The following ARHGAP5 variants were observed in gnomAD, a reference collection of about 807,000 sequenced individuals.
ARHGAP5 encodes Rho GTPase activating protein 5, also known as rho GTPase-activating protein 5.
ARHGAP5 carries 23 observed loss-of-function variants against 116.6 expected under a neutral mutation model. That is an observed-to-expected ratio of 0.20 (90% CI 0.14 to 0.28). ARHGAP5 has a LOEUF of 0.28. ARHGAP5 is among the 10% of genes least tolerant of loss of function. The pLI, the probability that ARHGAP5 is intolerant of heterozygous loss-of-function variation, is 1.00. For synonymous variants in ARHGAP5, 574 were observed against 602.0 expected, an observed-to-expected ratio of 0.95 and a Z score of 0.68; for missense variants, 1,405 against 1,774.8, an observed-to-expected ratio of 0.79 and a Z score of 3.74.
intron 3 of ARHGAP5, among the ~76,000 whole-genome samples, chr14:32,132,046 C>T (rs1363099827): frequency 1.3e-5 from 2 of 152,264 alleles, no homozygotes; most frequent in African/African-American, 4.8e-5. Context: ...AATAAACATA[C>T]AGGTGCATGT....
chr14:32,156,741 G>A lies in ARHGAP5; in HGVS notation c.*1793G>A, dbSNP rs962547706. 2 of 152,170 alleles carry A rather than the reference G, an allele frequency of 1.3e-5. No individual in the cohort carries two copies. Among genetic ancestry groups the A allele is most frequent in the African/African-American group, 2.4e-5 (1 of 41,378 alleles). 9.4% of individuals were successfully genotyped at this position (152,170 alleles called of 1,614,324 possible). ...GTCAGTTTAACTATTGGCATGTCTG[G>A]CAAAGAAAATTAAACTTTAAGAGTT... is the stretch of plus-strand genomic sequence containing the variant. On this transcript the variant is annotated 3_prime_UTR_variant, in exon 7 of 7. Transcript: ENST00000345122.
At chr14:32,086,484 T>C (rs1165477189) in intron 1 of ARHGAP5, among the ~76,000 whole-genome samples, 1 of 152,084 alleles carries the variant, frequency 6.6e-6, no homozygotes, top group Non-Finnish European at 1.5e-5. Flanking sequence ...GGGCCAGAGA[T>C]ATTGATGGGT....
chr14:32,152,735 A>G (rs957660053), intron 6 of ARHGAP5, among the ~76,000 whole-genome samples: 12 of 152,206 alleles, frequency 7.9e-5, no homozygotes, highest in Non-Finnish European at 1.3e-4. Context: ...TGTGGTAAGT[A>G]TATTTTCCTT....
chr14:32,127,177 T>G (rs997941668), intron 3 of ARHGAP5, among the ~76,000 whole-genome samples: 3 of 151,644 alleles, frequency 2.0e-5, no homozygotes, highest in Non-Finnish European at 2.9e-5. Context: ...TTTTTTTTTT[T>G]AATTTTTTTA....
chr14:32,146,678 G>A (rs537405452), intron 4 of ARHGAP5, among the ~76,000 whole-genome samples: 1 of 152,240 alleles, frequency 6.6e-6, no homozygotes, highest in East Asian at 1.9e-4. Context: ...GATTGAAAAC[G>A]AGGCAGTTGA....
chr14:32,151,511 C>T (rs1881637399), intron 5 of ARHGAP5, among the ~76,000 whole-genome samples: 1 of 152,246 alleles, frequency 6.6e-6, no homozygotes, highest in South Asian at 2.1e-4. Context: ...TTTAGGCTAT[C>T]GCCAGTTTTT....
intron 3 of ARHGAP5, among the ~76,000 whole-genome samples, chr14:32,138,239 A>G (rs1277938666): frequency 1.3e-5 from 2 of 151,888 alleles, no homozygotes. Context: ...GTAACCTGCA[A>G]CTTTGCTGAA....
In ARHGAP5 at chr14:32,117,176, C is replaced by A; in HGVS notation, c.3754C>A (p.Arg1252Ser). ...AACTAAGAACTTCAATCCACCAACA[C>A]GTAGAAATTGGGAAAGTAATTACTT... Reference protein sequence around the residue: ...KKTKNFNPPTRRNWESNYFGM... With the variant: ...KKTKNFNPPTSRNWESNYFGM... Residue 1252 changes from arginine (R) to serine (S), a missense_variant, in exon 3 of 7, where the codon CGT becomes AGT. By Grantham distance (110) the Arg-to-Ser change is moderately radical (BLOSUM62 -1). Coordinates refer to ENST00000345122, the MANE Select transcript of ARHGAP5 (RefSeq NM_001030055.2). 6.2e-7 allele frequency: 1 copy of A among 1,611,160 alleles called. No individual in the cohort carries two copies. Among genetic ancestry groups the A allele is most frequent in the South Asian group, 1.1e-5 (1 of 90,312 alleles).
intron 4 of ARHGAP5, among the ~76,000 whole-genome samples, chr14:32,148,163 A>AATCTATCTATCTATCTATCTATCTATCT (rs71441707): frequency 6.8e-6 from 1 of 147,438 alleles, no homozygotes; most frequent in Non-Finnish European, 1.5e-5. Flanking sequence ...AAAAAAAAGA[A>AATCTATCTATCTATCTATCTATCTATCT]ATCTATCTAT....
chr14:32,077,949 C>T (rs1194165640), intron 1 of ARHGAP5, among the ~76,000 whole-genome samples: 2 of 152,134 alleles, frequency 1.3e-5, no homozygotes, highest in Admixed American at 6.5e-5. Context: ...CTTTCACTTT[C>T]CCTCATCTCC....
intron 3 of ARHGAP5, among the ~76,000 whole-genome samples, chr14:32,142,544 C>T (rs1325682923): frequency 6.6e-6 from 1 of 152,122 alleles, no homozygotes; most frequent in Non-Finnish European, 1.5e-5. Context: ...TATCTGGAGC[C>T]AAGGGAAAAA....
At chr14:32,149,760 T>C (rs113197043) in intron 4 of ARHGAP5, 142 bp from the exon 5 acceptor site, 16,108 of 408,236 alleles carry the variant, frequency 0.039, 488 homozygotes, top group Non-Finnish European at 0.049. Flanking sequence ...GCAACAAAAG[T>C]AAAACTCAGT....
At position 32,094,174 on chromosome 14, in the gene ARHGAP5, A is replaced by C. The variant is rs1275366827; in HGVS notation, c.3505A>C (p.Arg1169=). ...TLFSKAKSYY[R]RTHSDASDDE... ...GTTTAGTAAAGCCAAGTCATACTAT[A>C]GAAGAACACATTCAGATGCCAGTGA... Residue 1169 remains arginine, a synonymous_variant, in exon 2 of 7, where the codon AGA becomes CGA. Transcript: ENST00000345122. 1.2e-6 allele frequency: 2 copies of C among 1,612,880 alleles called. No homozygotes were observed. Among genetic ancestry groups the C allele is most frequent in the Non-Finnish European group, 1.7e-6 (2 of 1,179,740 alleles).
intron 3 of ARHGAP5, among the ~76,000 whole-genome samples, chr14:32,119,636 G>A (rs1331638510): frequency 6.6e-6 from 1 of 151,964 alleles, no homozygotes; most frequent in Admixed American, 6.6e-5. Flanking sequence ...GTTAGCTGTT[G>A]GATTTTTGTA....
intron 3 of ARHGAP5, among the ~76,000 whole-genome samples, chr14:32,136,626 G>T (rs766468946): frequency 6.6e-5 from 10 of 152,160 alleles, no homozygotes; most frequent in Non-Finnish European, 1.3e-4. Context: ...GTATGCCTAG[G>T]AGTGGAATTG....
Position 32,152,807 on chromosome 14 carries a change from C to A in ARHGAP5, c.4181+279C>A, listed in dbSNP as rs140098101. Among the ~76,000 whole-genome samples the A allele has an allele frequency of 1.5e-4, 23 of 152,124 alleles. 1 individual carries two copies. The highest frequency in any genetic ancestry group is 1.4e-3 in the Admixed American group (21 of 15,284). On this transcript the variant is annotated intron_variant, in intron 6 of 6. Transcript: ENST00000345122. ...TATGAAATGACACTCAGATAACTAA[C>A]CAGATTGACCTATTTGGAGTTGGAA...
rs1379269349 is a variant in ARHGAP5, at chr14:32,093,951, C to T, written c.3282C>T (p.Pro1094=). ...DMDPSDNYAE[P]IDTIFKQKGY... is the part of the protein sequence containing the mutation. ...ATCCTTCAGATAACTATGCGGAACC[C>T]ATTGATACAATTTTCAAACAGAAGG... The change falls in exon 2 of 7, where the codon CCC becomes CCT. Residue 1094 remains proline (P), a synonymous_variant. Transcript: ENST00000345122. 1.2e-6 allele frequency: 2 copies of T among 1,613,894 alleles called. No individual in the cohort carries two copies. The highest frequency in any genetic ancestry group is 4.5e-5 in the East Asian group (2 of 44,884).
In ARHGAP5 at chr14:32,134,291, A is replaced by C. The variant is rs1280326077; in HGVS notation, c.3866-11972A>C. 2.0e-5 allele frequency among the ~76,000 whole-genome samples: 3 copies of C among 152,196 alleles called. No homozygotes were observed. In the South Asian group the frequency reaches 6.2e-4, roughly 31 times the overall value. On this transcript the variant is annotated intron_variant, in intron 3 of 6. Coordinates refer to ENST00000345122, the MANE Select transcript of ARHGAP5 (RefSeq NM_001030055.2). ...TGACTAGAAAGTAGTGACACATTTT[A>C]GTTCAATAAACTGAATTTATCATAA...
At chr14:32,139,726 C>A (rs145758184) in intron 3 of ARHGAP5, among the ~76,000 whole-genome samples, 1,772 of 150,224 alleles carry the variant, frequency 0.012, 30 homozygotes, top group African/African-American at 0.04. Flanking sequence ...TTTATTATTT[C>A]TTTCATTCTG....
Sources: gnomAD v4.1 joint callset for allele counts (sites outside exome capture counted in the v4.1 genomes callset) on GRCh38, gnomAD v4.1.1 for gene constraint, MANE v1.5 for transcripts, NCBI Gene and HGNC (gene_info 2026-07-23, HGNC 2026-07-21) for gene names.